The following LITAF variants were observed in gnomAD, a reference collection of about 807,000 sequenced individuals.
LITAF encodes the protein lipopolysaccharide induced TNF factor.
A neutral mutation model predicts 14.5 loss-of-function variants in LITAF; 9 were observed. The observed-to-expected ratio is 0.62, with a 90% CI of 0.37 to 1.08. The LOEUF is 1.08. Among genes scored for constraint, LITAF ranks in the 50% least tolerant of loss-of-function variants. LITAF has a pLI of 0.01. For missense variants in LITAF, 206 were observed against 213.4 expected, an observed-to-expected ratio of 0.97 and a Z score of 0.22; for synonymous variants, 98 against 88.2, an observed-to-expected ratio of 1.11 and a Z score of -0.62.
intron 3 of LITAF, among the ~76,000 whole-genome samples, chr16:11,610,883 A>C (rs1186454451): frequency 6.6e-6 from 1 of 152,106 alleles, no homozygotes; most frequent in East Asian, 1.9e-4. Context: ...TCAGTGGCCA[A>C]TTTGTACATG....
In LITAF at chr16:11,547,929, G is replaced by A. The variant is rs2064129026; in HGVS notation, c.*1708C>T. The A allele has an allele frequency of 2.2e-6, 1 of 454,044 alleles. No homozygotes were observed. Among genetic ancestry groups the A allele is most frequent in the Non-Finnish European group, 4.4e-6 (1 of 226,766 alleles). 28.1% of individuals were successfully genotyped at this position (454,044 alleles called of 1,614,324 possible). ...TTCTACCGTTACTGAACAAATAAAG[G>A]TTCTTTGTAGCAATGGCTGGAAATG... On this transcript the variant is annotated 3_prime_UTR_variant, in exon 4 of 4. Coordinates refer to ENST00000622633, the MANE Select transcript of LITAF (RefSeq NM_001136472.2).
chr16:11,580,818 G>A (rs1312591874), intron 1 of LITAF, among the ~76,000 whole-genome samples: 1 of 152,088 alleles, frequency 6.6e-6, no homozygotes, highest in Non-Finnish European at 1.5e-5. Flanking sequence ...AGGCGGGAGT[G>A]CGGTGGCACT....
upstream of LITAF, among the ~76,000 whole-genome samples, chr16:11,599,006 C>A (rs1235468820): frequency 6.6e-6 from 1 of 151,634 alleles, no homozygotes; most frequent in Non-Finnish European, 1.5e-5. Context: ...TTTTAGTAGA[C>A]ATGGGTTTTC....
At chr16:11,577,294 C>A (rs1444741526) in intron 1 of LITAF, among the ~76,000 whole-genome samples, 1 of 151,216 alleles carries the variant, frequency 6.6e-6, no homozygotes, top group Non-Finnish European at 1.5e-5. Flanking sequence ...GTATCTATGG[C>A]ATCAGCTCAT....
In LITAF at chr16:11,604,970, A is replaced by T. The variant is rs189590486; in HGVS notation, c.85+28563T>A. On this transcript the variant is annotated intron_variant, in intron 3 of 3. Transcript: ENST00000574848. The stretch of plus-strand genomic sequence containing the variant: ...TCTCGGTCATCTTTGGATGTGAAAC[A>T]TCTGTTCTCCTGTGTCGGGAAGTTG... 1.6e-3 allele frequency among the ~76,000 whole-genome samples: 238 copies of T among 152,268 alleles called. 1 individual carries two copies. The highest frequency in any genetic ancestry group is 5.4e-3 in the African/African-American group (223 of 41,556).
chr16:11,608,198 A>G (rs1039850900), intron 3 of LITAF, among the ~76,000 whole-genome samples: 2 of 152,220 alleles, frequency 1.3e-5, no homozygotes, highest in Non-Finnish European at 2.9e-5. Flanking sequence ...GGTTCAGAGA[A>G]GCTGAGCGAG....
In LITAF at chr16:11,553,520, G is replaced by T; in HGVS notation, c.377+13C>A. On this transcript the variant is annotated intron_variant, in intron 3 of 3. Transcript: ENST00000622633. The surrounding 1 kb of genome is among the most constrained non-coding windows in gnomAD (Gnocchi z 7.7). ...GGCAGGATGGCTTGGGGCCAAGTGG[G>T]AGGCAGACTCACCCCAGCAGGCACA... 6.2e-7 allele frequency: 1 copy of T among 1,613,736 alleles called. No homozygotes were observed. Among genetic ancestry groups the T allele is most frequent in the East Asian group, 2.2e-5 (1 of 44,860 alleles).
intron 3 of LITAF, among the ~76,000 whole-genome samples, chr16:11,631,036 T>A (rs1267283328): frequency 6.6e-6 from 1 of 152,232 alleles, no homozygotes; most frequent in Admixed American, 6.5e-5. Flanking sequence ...CTGTTTACAT[T>A]TGCAGAAACC....
upstream of LITAF, among the ~76,000 whole-genome samples, chr16:11,639,820 C>G (rs1236609479): frequency 6.6e-6 from 1 of 151,972 alleles, no homozygotes; most frequent in African/African-American, 2.4e-5. Flanking sequence ...CATGGTGAAA[C>G]CCCATCTCTA....
chr16:11,612,188 A>G (rs151312748), intron 3 of LITAF, among the ~76,000 whole-genome samples: 231 of 152,286 alleles, frequency 1.5e-3, no homozygotes, highest in African/African-American at 4.9e-3. Flanking sequence ...CACACCGCCA[A>G]AGCTCAGGAC....
chr16:11,549,003 C>A lies in LITAF; in HGVS notation c.*634G>T, dbSNP rs766429293. 2.2e-6 allele frequency: 1 copy of A among 453,774 alleles called. No homozygotes were observed. Among genetic ancestry groups the A allele is most frequent in the Admixed American group, 2.4e-5 (1 of 42,534 alleles). 28.1% of individuals were successfully genotyped at this position (453,774 alleles called of 1,614,324 possible). On this transcript the variant is annotated 3_prime_UTR_variant, in exon 4 of 4. Coordinates refer to ENST00000622633, the MANE Select transcript of LITAF (RefSeq NM_001136472.2). The surrounding 1 kb of genome is among the most constrained non-coding windows in gnomAD (Gnocchi z 4.6). Reference sequence around the variant, plus strand: ...GCCCTATTTTTCTAGCATGCATTTACGACCTTGTGGATATGTCTGTACTGG... The same window carrying A: ...GCCCTATTTTTCTAGCATGCATTTAAGACCTTGTGGATATGTCTGTACTGG...
At chr16:11,612,763 T>C (rs1240956488) in intron 3 of LITAF, among the ~76,000 whole-genome samples, 1 of 152,056 alleles carries the variant, frequency 6.6e-6, no homozygotes, top group Admixed American at 6.6e-5. Context: ...GAGGACAGAC[T>C]GAAAAGAGAT....
At chr16:11,603,688 A>G (rs573243606) in intron 3 of LITAF, among the ~76,000 whole-genome samples, 1 of 152,302 alleles carries the variant, frequency 6.6e-6, no homozygotes, top group Non-Finnish European at 1.5e-5. Context: ...CAGGCATGCA[A>G]TTGTGTTTCC....
intron 1 of LITAF, among the ~76,000 whole-genome samples, chr16:11,579,883 A>G (rs1318833634): frequency 6.6e-6 from 1 of 152,196 alleles, no homozygotes; most frequent in Non-Finnish European, 1.5e-5. Context: ...AGACTAGAAC[A>G]TGTCACCTCA....
At chr16:11,623,326 A>G (rs1348596496) in intron 3 of LITAF, among the ~76,000 whole-genome samples, 1 of 152,010 alleles carries the variant, frequency 6.6e-6, no homozygotes, top group African/African-American at 2.4e-5. Context: ...TGTGGTAAGG[A>G]CTTCAGGCAT....
intron 1 of LITAF, among the ~76,000 whole-genome samples, chr16:11,564,484 C>T (rs1171034765): frequency 2.6e-5 from 4 of 152,062 alleles, no homozygotes; most frequent in Non-Finnish European, 5.9e-5. Context: ...CTACTCCTTG[C>T]GCGCCCAAAA....
At chr16:11,608,485 G>C (rs1410583124) in intron 3 of LITAF, among the ~76,000 whole-genome samples, 1 of 152,208 alleles carries the variant, frequency 6.6e-6, no homozygotes, top group East Asian at 1.9e-4. Flanking sequence ...AAAATCCATA[G>C]GAAACTGTAC....
intron 1 of LITAF, among the ~76,000 whole-genome samples, chr16:11,573,238 T>G (rs1452880154): frequency 6.6e-6 from 1 of 151,946 alleles, no homozygotes; most frequent in South Asian, 2.1e-4. Flanking sequence ...CCATAAAAGA[T>G]TTTTTTTAAA....
chr16:11,587,725 G>A (rs1007568541), upstream of LITAF, among the ~76,000 whole-genome samples: 2 of 152,098 alleles, frequency 1.3e-5, no homozygotes, highest in Non-Finnish European at 2.9e-5. Flanking sequence ...CCATCTGCCC[G>A]TCTGCTTGGA....
Sources: gnomAD v4.1 joint callset for allele counts (sites outside exome capture counted in the v4.1 genomes callset) on GRCh38, gnomAD v4.1.1 for gene constraint, Gnocchi (gnomAD v3.1) non-coding constraint, MANE v1.5 for transcripts, NCBI Gene and HGNC (gene_info 2026-07-23, HGNC 2026-07-21) for gene names.